The following BSN variants were observed in gnomAD, a reference collection of about 807,000 sequenced individuals.
The protein encoded by BSN is protein bassoon.
A neutral mutation model predicts 264.8 loss-of-function variants in BSN; 57 were observed. The observed-to-expected ratio is 0.22, with a 90% CI of 0.17 to 0.27. BSN has a LOEUF of 0.27. BSN is among the 10% of genes least tolerant of loss of function. The pLI is 1.00. For missense variants in BSN, 4,615 were observed against 5,232.5 expected (o/e 0.88, Z 3.64); for synonymous variants, 2,059 against 2,137.3 (o/e 0.96, Z 1.01).
At chr3:49,666,016 G>T (rs1159529458) in intron 11 of BSN, among the ~76,000 whole-genome samples, 1 of 152,258 alleles carries the variant, frequency 6.6e-6, no homozygotes, top group Non-Finnish European at 1.5e-5. Flanking sequence ...GTGGGAGGAG[G>T]AGGAAGTGCA....
At chr3:49,557,575 GTT>G (rs765139121) in intron 1 of BSN, among the ~76,000 whole-genome samples, 5 of 132,426 alleles carry the variant, frequency 3.8e-5, no homozygotes, top group Admixed American at 7.6e-5. Context: ...GCACCTGTCA[GTT>G]TTTTTTTTTT....
At chr3:49,605,872 T>TATATAGATATAAATATATTTATATCTA (rs1559603164) in intron 1 of BSN, among the ~76,000 whole-genome samples, 5 of 48,140 alleles carry the variant, frequency 1.0e-4, no homozygotes, top group South Asian at 6.9e-4. Context: ...TTATATCTAT[T>TATATAGATATAAATATATTTATATCTA]TATATATAGA....
chr3:49,605,969 A>G (rs2052134466), intron 1 of BSN, among the ~76,000 whole-genome samples: 1 of 81,510 alleles, frequency 1.2e-5, no homozygotes, highest in South Asian at 4.1e-4. Flanking sequence ...ATAATAAAAT[A>G]TATGTATTTA....
rs1280417251 is a variant in BSN at position 49,654,609 on chromosome 3, G to A, written c.5053G>A (p.Asp1685Asn). Residue 1685 changes from aspartate (D) to asparagine (N), a missense_variant, in exon 5 of 12, where the codon GAC becomes AAC. Around this residue, in one of 3 missense-constraint regions of BSN, gnomAD observed 3,415 missense variants for 3,866.4 expected, o/e 0.88. Coordinates refer to ENST00000296452, the MANE Select transcript of BSN (RefSeq NM_003458.4). This position sits in a 1 kb window ranked among gnomAD's most constrained non-coding sequence, Gnocchi z 4.1. Reference protein sequence around the residue: ...TPIILTDQGMDLTSLAVEARK... With the variant: ...TPIILTDQGMNLTSLAVEARK... ...CATCATCCTCACTGACCAGGGCATG[G>A]ACCTCACCTCTCTTGCTGTGGAAGC... 6.2e-7 allele frequency: 1 copy of A among 1,613,930 alleles called. No homozygotes were observed. The highest frequency in any genetic ancestry group is 1.7e-5 in the Admixed American group (1 of 60,020).
chr3:49,621,679 A>G (rs2052306950), intron 1 of BSN, among the ~76,000 whole-genome samples: 1 of 151,994 alleles, frequency 6.6e-6, no homozygotes, highest in Admixed American at 6.6e-5. Flanking sequence ...GTTGAGAGGG[A>G]GAGAGGAGAG....
At position 49,656,549 on chromosome 3, in the gene BSN, A is replaced by T; in HGVS notation, c.6993A>T (p.Leu2331=). The T allele has an allele frequency of 6.4e-7, 1 of 1,566,984 alleles. No individual in the cohort carries two copies. Among genetic ancestry groups the T allele is most frequent in the Non-Finnish European group, 8.6e-7 (1 of 1,157,436 alleles). ...CAGGAGCCCCAGCTCCTGCCCCACT[A>T]GCTGGCCAGAAGCCACCAGCAGATG... ...EAAGAPAPAP[L]AGQKPPADAA... The change falls in exon 5 of 12, where the codon CTA becomes CTT. Residue 2331 remains leucine (L), a synonymous_variant. Transcript: ENST00000296452.
chr3:49,645,332 CG>C (rs2052497051), intron 3 of BSN, among the ~76,000 whole-genome samples: 2 of 152,326 alleles, frequency 1.3e-5, no homozygotes, highest in Admixed American at 1.3e-4. Flanking sequence ...TGTGGATAGG[CG>C]GCCATAATGC....
chr3:49,571,181 T>C (rs1319256538), intron 1 of BSN, among the ~76,000 whole-genome samples: 1 of 152,150 alleles, frequency 6.6e-6, no homozygotes, highest in Non-Finnish European at 1.5e-5. Flanking sequence ...TAATTCTGTG[T>C]AGCTCTGGCC....
In BSN at chr3:49,658,187, G is replaced by A; in HGVS notation, c.8631G>A (p.Leu2877=). The A allele has an allele frequency of 6.4e-7, 1 of 1,563,080 alleles. No individual in the cohort carries two copies. Among genetic ancestry groups the A allele is most frequent in the African/African-American group, 1.4e-5 (1 of 73,734 alleles). Residue 2877 remains leucine (L), a synonymous_variant, in exon 5 of 12, where the codon CTG becomes CTA. Coordinates refer to ENST00000296452, the MANE Select transcript of BSN (RefSeq NM_003458.4). ...CCCTCTACCAGCACCAGGGGGGACTGGGTAGCCAGGTATGGGAACAGGGGC... is the reference window on the plus strand; with the variant it reads ...CCCTCTACCAGCACCAGGGGGGACTAGGTAGCCAGGTATGGGAACAGGGGC... The part of the protein sequence containing the change: ...RFSLYQHQGG[L]GSQVSALPPN...
At position 49,661,363 on chromosome 3, in the gene BSN, C is replaced by T. The variant is rs767411441; in HGVS notation, c.9518C>T (p.Ser3173Leu). 5.0e-6 allele frequency: 8 copies of T among 1,614,026 alleles called. No individual in the cohort carries two copies. The South Asian group carries it at 6.6e-5, about 13-fold the overall frequency. ...GCCAGCCCCGTTGTGCCCATGTCTT[C>T]AGCCCCATCTGAAACCAGCTACAGT... is the stretch of plus-strand genomic sequence containing the variant. ...VIASPVVPMS[S>L]APSETSYSGP... Residue 3173 changes from serine to leucine, a missense_variant, in exon 6 of 12, where the codon TCA becomes TTA. Ser to Leu is a moderately radical substitution (Grantham distance 145). Transcript: ENST00000296452.
chr3:49,640,097 C>G (rs2052449377), intron 2 of BSN, among the ~76,000 whole-genome samples: 2 of 152,244 alleles, frequency 1.3e-5, no homozygotes, highest in African/African-American at 4.8e-5. Flanking sequence ...GGCACCTTCC[C>G]CTGGTGATGA....
intron 1 of BSN, among the ~76,000 whole-genome samples, chr3:49,588,703 G>T (rs74671702): frequency 0.024 from 3,643 of 152,166 alleles, 158 homozygotes; most frequent in African/African-American, 0.084. Context: ...ATTTAGGAAT[G>T]TGTTGTTCAA....
At chr3:49,627,599 C>T (rs2052350887) in intron 2 of BSN, among the ~76,000 whole-genome samples, 1 of 152,166 alleles carries the variant, frequency 6.6e-6, no homozygotes, top group African/African-American at 2.4e-5. Flanking sequence ...CCTAGTCAGA[C>T]TACATCTGTC....
rs772981937 is a variant in BSN at position 49,625,234 on chromosome 3, G to A, written c.484G>A (p.Ala162Thr). Residue 162 changes from alanine to threonine, a missense_variant, in exon 2 of 12, where the codon GCC becomes ACC. Around this residue, in one of 3 missense-constraint regions of BSN, gnomAD observed 1,197 missense variants for 1,348.0 expected, o/e 0.89. Transcript: ENST00000296452. This position sits in a 1 kb window ranked among gnomAD's most constrained non-coding sequence, Gnocchi z 4.4. ...ATCACCCTACTCCGTCCCTCAGATC[G>A]CCCCCCTTCCCAGCAGCACGCTGTG... ...PTSPYSVPQI[A>T]PLPSSTLCPI... 2.5e-6 allele frequency: 4 copies of A among 1,587,552 alleles called. No homozygotes were observed. The highest frequency in any genetic ancestry group is 1.8e-5 in the Admixed American group (1 of 54,982).
Position 49,654,407 on chromosome 3 carries a change from G to A in BSN, c.4851G>A (p.Arg1617=), listed in dbSNP as rs553702089. Reference sequence around the variant, plus strand: ...CACCTGGGCCACCTGGCTTTCCACGGGTGCCCAGTGCTGGTGCAGATGGGC... The same window carrying A: ...CACCTGGGCCACCTGGCTTTCCACGAGTGCCCAGTGCTGGTGCAGATGGGC... The part of the protein sequence containing the change: ...PEPPGPPGFP[R]VPSAGADGPL... Residue 1617 remains arginine, a synonymous_variant, in exon 5 of 12, where the codon CGG becomes CGA. Transcript: ENST00000296452. This position sits in a 1 kb window ranked among gnomAD's most constrained non-coding sequence, Gnocchi z 4.1. The A allele has an allele frequency of 8.7e-6, 14 of 1,600,948 alleles. No individual in the cohort carries two copies. In the Admixed American group the frequency reaches 1.4e-4, roughly 15 times the overall value.
In BSN at chr3:49,650,597, C is replaced by T. The variant is rs1414867270; in HGVS notation, c.1519-15C>T. On this transcript the variant is annotated splice_polypyrimidine_tract_variant and intron_variant, in intron 3 of 11. Coordinates refer to ENST00000296452, the MANE Select transcript of BSN (RefSeq NM_003458.4). Reference sequence around the variant, plus strand: ...TTTTTAATTTTCATCAACCCCCTCTCCCATTTCCTTGCAGAAAACAGAGTG... The same window carrying T: ...TTTTTAATTTTCATCAACCCCCTCTTCCATTTCCTTGCAGAAAACAGAGTG... 6.3e-7 allele frequency: 1 copy of T among 1,581,458 alleles called. No homozygotes were observed. The highest frequency in any genetic ancestry group is 1.2e-5 in the South Asian group (1 of 85,554).
Position 49,625,174 on chromosome 3 carries a change from C to G in BSN, c.424C>G (p.Pro142Ala), listed in dbSNP as rs754426661. The change falls in exon 2 of 12, where the codon CCC (proline) becomes GCC (alanine). Residue 142 changes from proline (P) to alanine (A), a missense_variant. By Grantham distance (27) the Pro-to-Ala change is conservative. Coordinates refer to ENST00000296452, the MANE Select transcript of BSN (RefSeq NM_003458.4). The surrounding 1 kb of genome is among the most constrained non-coding windows in gnomAD (Gnocchi z 4.4). ...DSRTQRSGRSPSVSPDRGSTP... is the reference protein window; with the variant it reads ...DSRTQRSGRSASVSPDRGSTP... ...CAGGACACAGAGATCAGGGCGGTCC[C>G]CCTCAGTGTCACCGGACAGAGGCAG... is the stretch of plus-strand genomic sequence containing the variant. The G allele has an allele frequency of 1.9e-6, 3 of 1,569,494 alleles. No homozygotes were observed. The South Asian group carries it at 3.5e-5, about 18-fold the overall frequency.
At position 49,625,250 on chromosome 3, in the gene BSN, G is replaced by T. The variant is rs758922870; in HGVS notation, c.500G>T (p.Ser167Ile). The change falls in exon 2 of 12, where the codon AGC becomes ATC. Residue 167 changes from serine to isoleucine, a missense_variant. Ser to Ile is a moderately radical substitution (Grantham distance 142). This residue lies in a region of BSN where 1,197 missense variants were observed against 1,348.0 expected (regional missense o/e 0.89). Coordinates refer to ENST00000296452, the MANE Select transcript of BSN (RefSeq NM_003458.4). This position sits in a 1 kb window ranked among gnomAD's most constrained non-coding sequence, Gnocchi z 4.4. The stretch of plus-strand genomic sequence containing the variant: ...CCTCAGATCGCCCCCCTTCCCAGCA[G>T]CACGCTGTGTCCCATATGCAAGACT... ...SVPQIAPLPSSTLCPICKTSD... is the reference protein window; with the variant it reads ...SVPQIAPLPSITLCPICKTSD... The T allele has an allele frequency of 6.2e-7, 1 of 1,600,874 alleles. No individual in the cohort carries two copies. Among genetic ancestry groups the T allele is most frequent in the Admixed American group, 1.7e-5 (1 of 57,716 alleles).
chr3:49,580,831 G>A (rs111475397), intron 1 of BSN, among the ~76,000 whole-genome samples: 4,070 of 152,146 alleles, frequency 0.027, 170 homozygotes, highest in African/African-American at 0.092. Context: ...CATTTTAAGT[G>A]TACAATTTAG....
Sources: allele counts gnomAD v4.1 joint callset (sites outside exome capture counted in the v4.1 genomes callset), GRCh38; gene constraint gnomAD v4.1.1; regional missense constraint gnomAD v4.1.1; non-coding constraint Gnocchi (gnomAD v3.1); transcripts MANE v1.5; gene names NCBI Gene and HGNC (gene_info 2026-07-23, HGNC 2026-07-21).